TMEM117: variants seen among roughly 807,000 people sequenced by gnomAD.
TMEM117 encodes transmembrane protein 117.
In TMEM117, 27 loss-of-function variants were observed where a neutral mutation model predicts 52.4. The ratio of observed to expected loss-of-function variants is 0.51; its 90% confidence interval spans 0.38 to 0.71. The LOEUF (loss-of-function observed/expected upper bound fraction) is 0.71. Ranked by LOEUF, TMEM117 falls within the 30% of genes least tolerant of loss-of-function variation. TMEM117 has a pLI of 0.00. For synonymous variants in TMEM117, 215 were observed against 206.3 expected, an observed-to-expected ratio of 1.04 and a Z score of -0.36; for missense variants, 556 against 630.5, an observed-to-expected ratio of 0.88 and a Z score of 1.26.
At chr12:44,059,683 T>C (rs1322638037) in intron 3 of TMEM117, among the ~76,000 whole-genome samples, 2 of 152,196 alleles carry the variant, frequency 1.3e-5, no homozygotes, top group Non-Finnish European at 2.9e-5. Context: ...TACAGCAACA[T>C]TCTCTAATGG....
the TMEM117 span, among the ~76,000 whole-genome samples, chr12:43,813,236 T>TTG: frequency 9.5e-6 from 1 of 105,304 alleles, no homozygotes; most frequent in African/African-American, 4.3e-5. Flanking sequence ...CTCTTGTTTT[T>TTG]TTTTTTTTTT....
At chr12:44,238,592 C>G (rs1483007852) in intron 5 of TMEM117, among the ~76,000 whole-genome samples, 1 of 151,996 alleles carries the variant, frequency 6.6e-6, no homozygotes, top group African/African-American at 2.4e-5. Flanking sequence ...AATTATCGTG[C>G]TTGTGAATAG....
intron 2 of TMEM117, among the ~76,000 whole-genome samples, chr12:43,849,615 G>A (rs1025767628): frequency 2.0e-5 from 3 of 151,596 alleles, no homozygotes; most frequent in African/African-American, 7.3e-5. Flanking sequence ...AATAATGCAA[G>A]TGAATTCTCT....
the TMEM117 span, among the ~76,000 whole-genome samples, chr12:43,813,231 G>GTTGTTTTTTTTTT: frequency 1.8e-4 from 11 of 62,618 alleles, no homozygotes; most frequent in African/African-American, 6.5e-4. Context: ...GTTTTCTCTT[G>GTTGTTTTTTTTTT]TTTTTTTTTT....
At chr12:44,102,286 T>C (rs767567118) in intron 3 of TMEM117, among the ~76,000 whole-genome samples, 1 of 151,958 alleles carries the variant, frequency 6.6e-6, no homozygotes, top group Non-Finnish European at 1.5e-5. Context: ...CTATCTAGAA[T>C]AGTTTATTCA....
intron 2 of TMEM117, among the ~76,000 whole-genome samples, chr12:43,906,192 A>G (rs538336457): frequency 7.0e-4 from 107 of 152,260 alleles, no homozygotes; most frequent in African/African-American, 2.3e-3. Context: ...ACCTAGTGCT[A>G]TGGCTCATGC....
rs140482427 is a variant in TMEM117 at position 43,917,449 on chromosome 12, A to T, written c.278-26761A>T. On this transcript the variant is annotated intron_variant, in intron 2 of 7. Coordinates refer to ENST00000266534, the MANE Select transcript of TMEM117 (RefSeq NM_032256.3). Reference sequence around the variant, plus strand: ...TTATGTAATTCACAATGTAATCTTCACAGCAATCTTATGAAGTGGTTACTA... The same window carrying T: ...TTATGTAATTCACAATGTAATCTTCTCAGCAATCTTATGAAGTGGTTACTA... Among the ~76,000 whole-genome samples, 393 of 152,250 alleles carry T rather than the reference A, an allele frequency of 2.6e-3. 7 individuals carry two copies. Among genetic ancestry groups the T allele is most frequent in the African/African-American group, 8.9e-3 (371 of 41,544 alleles).
intron 2 of TMEM117, among the ~76,000 whole-genome samples, chr12:43,881,964 C>T (rs892852758): frequency 7.9e-5 from 12 of 151,706 alleles, no homozygotes; most frequent in African/African-American, 2.9e-4. Context: ...CCCAGCTACT[C>T]AGGAGGCTGA....
chr12:43,797,554 T>C, the TMEM117 span: 1 of 1,369,938 alleles, frequency 7.3e-7, no homozygotes, highest in Admixed American at 2.5e-5. Context: ...AACTTAGTTC[T>C]GGATGGTTTG....
chr12:44,059,959 G>C (rs1947113469), intron 3 of TMEM117, among the ~76,000 whole-genome samples: 2 of 152,186 alleles, frequency 1.3e-5, no homozygotes, highest in South Asian at 4.1e-4. Flanking sequence ...ATAGCTGTAT[G>C]ATTCTGCTAT....
chr12:43,833,082 C>T (rs1313833616), upstream of TMEM117, among the ~76,000 whole-genome samples: 1 of 152,142 alleles, frequency 6.6e-6, no homozygotes, highest in Non-Finnish European at 1.5e-5. Flanking sequence ...ACAAGCCTTG[C>T]CCATTTCAGT....
chr12:43,818,469 C>T, the TMEM117 span, among the ~76,000 whole-genome samples: 3 of 145,662 alleles, frequency 2.1e-5, no homozygotes, highest in South Asian at 2.1e-4. Flanking sequence ...GAGATGGAAT[C>T]GCGCTCTGTC....
chr12:44,303,717 C>T lies in TMEM117; in HGVS notation c.768+3978C>T, dbSNP rs776693563. Among the ~76,000 whole-genome samples the T allele has an allele frequency of 2.6e-5, 4 of 152,250 alleles. No individual in the cohort carries two copies. In the Middle Eastern group the frequency reaches 0.014, roughly 518 times the overall value. ...TATGTCATTTGATTTATATATATCC[C>T]TCTATTTCTTTGCATAAGTATTTGA... On this transcript the variant is annotated intron_variant, in intron 6 of 7. Coordinates refer to ENST00000266534, the MANE Select transcript of TMEM117 (RefSeq NM_032256.3).
At chr12:44,233,316 A>G (rs1949955664) in intron 5 of TMEM117, among the ~76,000 whole-genome samples, 1 of 151,442 alleles carries the variant, frequency 6.6e-6, no homozygotes, top group African/African-American at 2.4e-5. Context: ...ATTTCATACA[A>G]TGATTTTCTG....
At chr12:44,164,571 AC>A in intron 4 of TMEM117, among the ~76,000 whole-genome samples, 1 of 152,200 alleles carries the variant, frequency 6.6e-6, no homozygotes, top group East Asian at 1.9e-4. Flanking sequence ...TGGAAAAAAA[AC>A]CCTTGTAAAA....
At position 44,117,982 on chromosome 12, in the gene TMEM117, C is replaced by A. The variant is rs140570700; in HGVS notation, c.411-25543C>A. Among the ~76,000 whole-genome samples, 294 of 151,506 alleles carry A rather than the reference C, an allele frequency of 1.9e-3. 7 individuals are homozygous for A. In the East Asian group the frequency reaches 0.035, roughly 18 times the overall value. ...TAGCTACCTAATTATCTATTAATAT[C>A]ATCTATCTAAATCTTCTGCCTCATT... On this transcript the variant is annotated intron_variant, in intron 3 of 7. Coordinates refer to ENST00000266534, the MANE Select transcript of TMEM117 (RefSeq NM_032256.3).
intron 3 of TMEM117, among the ~76,000 whole-genome samples, chr12:44,083,130 G>A (rs1947509612): frequency 6.6e-6 from 1 of 151,956 alleles, no homozygotes; most frequent in South Asian, 2.1e-4. Context: ...GTGCTGCTAT[G>A]AATATTAGTG....
intron 4 of TMEM117, among the ~76,000 whole-genome samples, chr12:44,208,007 A>C (rs1480422474): frequency 6.6e-6 from 1 of 152,146 alleles, no homozygotes; most frequent in Non-Finnish European, 1.5e-5. Flanking sequence ...AAATCCATTA[A>C]GAGCTTTGTA....
At chr12:44,131,856 T>C (rs1400789451) in intron 3 of TMEM117, among the ~76,000 whole-genome samples, 1 of 152,226 alleles carries the variant, frequency 6.6e-6, no homozygotes, top group African/African-American at 2.4e-5. Context: ...TATAGCAGCA[T>C]ATAATTGAAT....
Sources: gnomAD v4.1 joint callset for allele counts (sites outside exome capture counted in the v4.1 genomes callset) on GRCh38, gnomAD v4.1.1 for gene constraint, MANE v1.5 for transcripts, NCBI Gene and HGNC (gene_info 2026-07-23, HGNC 2026-07-21) for gene names.